The following FBXO34 variants were observed in gnomAD, a reference collection of about 807,000 sequenced individuals.
The protein encoded by FBXO34 is F-box protein 34.
A neutral mutation model predicts 24.5 loss-of-function variants in FBXO34; 12 were observed. The observed-to-expected ratio is 0.49, with a 90% CI of 0.31 to 0.79. The LOEUF (loss-of-function observed/expected upper bound fraction) is 0.79. Among genes scored for constraint, FBXO34 ranks in the 30% least tolerant of loss-of-function variants. FBXO34 has a pLI of 0.04. For synonymous variants in FBXO34, 320 were observed against 311.9 expected (o/e 1.03, Z -0.27); for missense variants, 823 against 857.7 (o/e 0.96, Z 0.51).
chr14:55,377,159 C>T, the FBXO34 span, among the ~76,000 whole-genome samples: 313 of 152,160 alleles, frequency 2.1e-3, 1 homozygote, highest in Non-Finnish European at 3.9e-3. Flanking sequence ...CCAGCCTGGC[C>T]AACATGATGA....
At chr14:55,328,987 G>A (rs74454195) in intron 1 of FBXO34, among the ~76,000 whole-genome samples, 67 of 151,834 alleles carry the variant, frequency 4.4e-4, no homozygotes, top group African/African-American at 1.6e-3. Flanking sequence ...TAGTACATTA[G>A]CAAACAGTTC....
the FBXO34 span, chr14:55,395,211 G>A: frequency 2.6e-6 from 1 of 383,228 alleles, no homozygotes; most frequent in Non-Finnish European, 5.3e-6. Flanking sequence ...CCATTCAGTG[G>A]AGCTGACCTT....
chr14:55,320,501 C>G (rs1883092647), intron 1 of FBXO34, among the ~76,000 whole-genome samples: 1 of 152,168 alleles, frequency 6.6e-6, no homozygotes, highest in South Asian at 2.1e-4. Context: ...CCTGTAATCC[C>G]AGCACTTTGG....
At chr14:55,365,266 G>A (rs1021367372), downstream of FBXO34, among the ~76,000 whole-genome samples, 1 of 149,266 alleles carries the variant, frequency 6.7e-6, no homozygotes, top group Non-Finnish European at 1.5e-5. Context: ...GTCTCACTAT[G>A]TTGCGCAAGT....
chr14:55,381,748 A>G, the FBXO34 span, among the ~76,000 whole-genome samples: 8,855 of 152,180 alleles, frequency 0.058, 323 homozygotes, highest in South Asian at 0.089. Flanking sequence ...GCTGAGGGGA[A>G]GGGAGAGTGG....
chr14:55,298,865 A>T, intron 1 of FBXO34: 2 of 1,610,950 alleles, frequency 1.2e-6, no homozygotes, highest in Non-Finnish European at 1.7e-6. Context: ...ACGGTACATT[A>T]TCAACCATCG....
the FBXO34 span, chr14:55,377,943 T>C: frequency 6.3e-7 from 1 of 1,594,504 alleles, no homozygotes; most frequent in Non-Finnish European, 8.5e-7. Context: ...TTTTCAACTA[T>C]TTAACAAAGT....
intron 1 of FBXO34, among the ~76,000 whole-genome samples, chr14:55,302,065 T>A (rs1882374710): frequency 1.3e-5 from 2 of 152,106 alleles, no homozygotes; most frequent in South Asian, 4.1e-4. Context: ...AAGATGCAAA[T>A]GTAGCTCTAG....
intron 1 of FBXO34, among the ~76,000 whole-genome samples, chr14:55,296,391 G>GTTTTTTT (rs1167344634): frequency 1.5e-4 from 10 of 64,752 alleles, no homozygotes; most frequent in Admixed American, 1.9e-4. Flanking sequence ...TGTTTTTTTT[G>GTTTTTTT]TTTTTTTTTT....
downstream of FBXO34, among the ~76,000 whole-genome samples, chr14:55,373,417 A>C (rs1229260400): frequency 6.6e-6 from 1 of 152,142 alleles, no homozygotes; most frequent in Non-Finnish European, 1.5e-5. Context: ...AAATATTAAT[A>C]GGTCAATCTG....
downstream of FBXO34, among the ~76,000 whole-genome samples, chr14:55,356,196 T>C (rs537472911): frequency 3.9e-5 from 6 of 152,320 alleles, no homozygotes; most frequent in South Asian, 1.2e-3. Flanking sequence ...ACTGTTTTTA[T>C]GTGAGTGTTC....
At chr14:55,316,887 T>C (rs918277316) in intron 1 of FBXO34, among the ~76,000 whole-genome samples, 1 of 152,202 alleles carries the variant, frequency 6.6e-6, no homozygotes, top group Admixed American at 6.5e-5. Flanking sequence ...TTTTTATCTC[T>C]ATCTTTTATG....
exon 3 of FBXO34, chr14:55,367,294 T>G (rs1884700959): frequency 6.6e-6 from 1 of 152,224 alleles, no homozygotes; most frequent in Non-Finnish European, 1.5e-5. Context: ...GGGTTTTAAG[T>G]AGCTAGACAA....
chr14:55,315,570 A>G (rs79740169), intron 1 of FBXO34, among the ~76,000 whole-genome samples: 8,834 of 152,266 alleles, frequency 0.058, 324 homozygotes, highest in South Asian at 0.09. Flanking sequence ...TTGAGATCCT[A>G]ATAGGCTGAA....
downstream of FBXO34, among the ~76,000 whole-genome samples, chr14:55,362,889 C>G (rs751593188): frequency 2.6e-5 from 4 of 151,976 alleles, no homozygotes; most frequent in Non-Finnish European, 5.9e-5. Context: ...AAAGTTCTTT[C>G]CTCAAAATCC....
intron 1 of FBXO34, among the ~76,000 whole-genome samples, chr14:55,338,999 C>T (rs1041097899): frequency 6.6e-5 from 10 of 151,760 alleles, no homozygotes; most frequent in South Asian, 2.1e-4. Context: ...AAAACTTGCA[C>T]GCTTGTCTTG....
the FBXO34 span, chr14:55,385,966 G>C: frequency 6.2e-6 from 10 of 1,614,000 alleles, no homozygotes; most frequent in South Asian, 9.9e-5. Context: ...TTAAGTCAAT[G>C]GTCTTTTTTT....
At chr14:55,365,598 G>A (rs1884661859), downstream of FBXO34, among the ~76,000 whole-genome samples, 1 of 152,044 alleles carries the variant, frequency 6.6e-6, no homozygotes, top group Admixed American at 6.6e-5. Context: ...TCTGTTTCCT[G>A]CATCAATCAT....
chr14:55,411,798 C>G, the FBXO34 span: 12 of 1,598,710 alleles, frequency 7.5e-6, no homozygotes, highest in East Asian at 2.3e-5. Flanking sequence ...AGCGCCCGGG[C>G]TCCCTTCCCA....
Sources: gnomAD v4.1 joint callset for allele counts (sites outside exome capture counted in the v4.1 genomes callset) on GRCh38, gnomAD v4.1.1 for gene constraint, MANE v1.5 for transcripts, NCBI Gene and HGNC (gene_info 2026-07-23, HGNC 2026-07-21) for gene names.